Variants in SUGP1 observed in about 807,000 individuals in gnomAD.
The protein encoded by SUGP1 is SURP and G-patch domain-containing protein 1.
SUGP1 carries 34 observed loss-of-function variants against 76.5 expected under a neutral mutation model. The observed-to-expected ratio is 0.44, with a 90% CI of 0.34 to 0.59. The LOEUF (loss-of-function observed/expected upper bound fraction) is 0.59, where lower values mean the gene tolerates loss of function less well. SUGP1 is among the 20% of genes least tolerant of loss of function. SUGP1 has a pLI of 0.01. For synonymous variants in SUGP1, 326 were observed against 326.2 expected, an observed-to-expected ratio of 1.00 and a Z score of 0.01; for missense variants, 752 against 851.7, an observed-to-expected ratio of 0.88 and a Z score of 1.46.
chr19:19,318,830 G>A (rs1276623258), intron 1 of SUGP1, among the ~76,000 whole-genome samples: 1 of 152,030 alleles, frequency 6.6e-6, no homozygotes, highest in South Asian at 2.1e-4. Flanking sequence ...CTGGCTCCAA[G>A]CAACAGACAA....
chr19:19,278,696 G>A lies in SUGP1; in HGVS notation c.1629C>T (p.Ala543=), dbSNP rs2061073364. The A allele has an allele frequency of 1.9e-6, 3 of 1,612,230 alleles. No homozygotes were observed. The highest frequency in any genetic ancestry group is 2.5e-6 in the Non-Finnish European group (3 of 1,179,222). Residue 543 remains alanine (A), a synonymous_variant, in exon 11 of 14, where the codon GCC becomes GCT. Transcript: ENST00000247001. The part of the protein sequence containing the change: ...ELEKFMETFK[A]LKEGREPDYS... ...AGGGCCCCTCCTGGCTCACCTTCAG[G>A]GCCTTGAAGGTCTCCATAAACTTTT...
intron 8 of SUGP1, among the ~76,000 whole-genome samples, chr19:19,295,225 C>CAA (rs202215211): frequency 7.2e-6 from 1 of 139,104 alleles, no homozygotes; most frequent in Non-Finnish European, 1.6e-5. Flanking sequence ...GTCTCTACTA[C>CAA]AAAAAAAAAA....
intron 9 of SUGP1, among the ~76,000 whole-genome samples, 187 bp downstream of exon 9, chr19:19,279,998 G>A (rs2061085266): frequency 6.6e-6 from 1 of 152,218 alleles, no homozygotes; most frequent in Admixed American, 6.5e-5. Flanking sequence ...GCAGTGGGGG[G>A]TGGCATGCCA....
intron 2 of SUGP1, among the ~76,000 whole-genome samples, chr19:19,314,886 T>C (rs2061381035): frequency 6.6e-6 from 1 of 152,136 alleles, no homozygotes; most frequent in Admixed American, 6.6e-5. Flanking sequence ...AATACAAAAT[T>C]GGCTGGGCGT....
Position 19,306,027 on chromosome 19 carries a change from G to T in SUGP1, c.360C>A (p.Ser120Arg). ...PSAPPSTPTPSAGKRSLLISR... is the reference protein window; with the variant it reads ...PSAPPSTPTPRAGKRSLLISR... ...TGATGAGCAGGGACCTCTTCCCAGCGCTGGGGGTGGGTGTGCTGGGAGGGG... is the reference window on the plus strand; with the variant it reads ...TGATGAGCAGGGACCTCTTCCCAGCTCTGGGGGTGGGTGTGCTGGGAGGGG... The change falls in exon 4 of 14, where the codon AGC (serine) becomes AGA (arginine). Residue 120 changes from serine to arginine, a missense_variant. Ser to Arg is a moderately radical substitution (Grantham distance 110, BLOSUM62 -1). Around this residue, in one of 2 missense-constraint regions of SUGP1, gnomAD observed 620 missense variants for 617.3 expected, o/e 1.00. Transcript: ENST00000247001. 6.2e-7 allele frequency: 1 copy of T among 1,611,156 alleles called. No individual in the cohort carries two copies. Among genetic ancestry groups the T allele is most frequent in the Non-Finnish European group, 8.5e-7 (1 of 1,179,192 alleles).
At chr19:19,301,447 G>C (rs965584606) in intron 7 of SUGP1, among the ~76,000 whole-genome samples, 1 of 152,096 alleles carries the variant, frequency 6.6e-6, no homozygotes, top group Admixed American at 6.5e-5. Flanking sequence ...CACCCTCCAC[G>C]ACCTTGGCCA....
intron 8 of SUGP1, among the ~76,000 whole-genome samples, chr19:19,295,464 C>T (rs142653457): frequency 0.033 from 4,952 of 151,758 alleles, 277 homozygotes; most frequent in African/African-American, 0.11. Context: ...TTTTGCCAGG[C>T]GTGGTGGCAC....
At chr19:19,302,571 CA>C in intron 6 of SUGP1, 183 bp from the exon 7 acceptor site, 3 of 835,004 alleles carry the variant, frequency 3.6e-6, no homozygotes, top group Non-Finnish European at 5.4e-6. Flanking sequence ...CTCAAGCCCC[CA>C]CCCCCGACCC....
intron 1 of SUGP1, among the ~76,000 whole-genome samples, chr19:19,317,371 G>A (rs2061402724): frequency 6.6e-6 from 1 of 152,180 alleles, no homozygotes; most frequent in African/African-American, 2.4e-5. Context: ...GCAGGAAGAA[G>A]CCTGGTACAT....
chr19:19,319,976 T>C (rs2061428034), intron 1 of SUGP1, among the ~76,000 whole-genome samples: 1 of 152,126 alleles, frequency 6.6e-6, no homozygotes. Context: ...GATGGGTAAA[T>C]GCATTCTATT....
At position 19,286,647 on chromosome 19, in the gene SUGP1, C is replaced by A. The variant is rs2061142274; in HGVS notation, c.1244-6356G>T. 2.0e-5 allele frequency among the ~76,000 whole-genome samples: 3 copies of A among 152,144 alleles called. No homozygotes were observed. In the East Asian group the frequency reaches 5.8e-4, roughly 29 times the overall value. On this transcript the variant is annotated intron_variant, in intron 8 of 13. Transcript: ENST00000247001. ...TCTGTGGTCCCAACTGCTTGGGAGGCTGAGGCGGGGAGATCACTTGAGACC... is the reference window on the plus strand; with the variant it reads ...TCTGTGGTCCCAACTGCTTGGGAGGATGAGGCGGGGAGATCACTTGAGACC...
intron 8 of SUGP1, 34 bp from the exon 9 acceptor site, chr19:19,280,325 G>T (rs1408511283): frequency 2.5e-6 from 4 of 1,591,812 alleles, no homozygotes; most frequent in Non-Finnish European, 3.4e-6. Flanking sequence ...GTCAGAGCCT[G>T]ACAGGTGCAC....
At chr19:19,300,751 G>A (rs1406840591) in intron 7 of SUGP1, among the ~76,000 whole-genome samples, 3 of 152,120 alleles carry the variant, frequency 2.0e-5, no homozygotes, top group Non-Finnish European at 2.9e-5. Context: ...CACCCCAGGC[G>A]ACCTCAACCA....
intron 3 of SUGP1, among the ~76,000 whole-genome samples, chr19:19,307,537 C>T (rs565823377): frequency 3.9e-5 from 6 of 152,294 alleles, no homozygotes; most frequent in African/African-American, 1.4e-4. Context: ...GGTCAAACAT[C>T]TGAAACTACG....
chr19:19,312,338 A>C (rs1248665961), intron 2 of SUGP1, among the ~76,000 whole-genome samples: 5 of 152,304 alleles, frequency 3.3e-5, no homozygotes, highest in Admixed American at 3.3e-4. Context: ...TTGCTCTCTA[A>C]ATTAGAAGTC....
At chr19:19,295,367 G>A (rs1431165328) in intron 8 of SUGP1, among the ~76,000 whole-genome samples, 1 of 152,050 alleles carries the variant, frequency 6.6e-6, no homozygotes, top group African/African-American at 2.4e-5. Flanking sequence ...CACTTTGGGA[G>A]GCTAAGGCAG....
chr19:19,308,410 A>G (rs1248783224), intron 3 of SUGP1, among the ~76,000 whole-genome samples: 3 of 152,246 alleles, frequency 2.0e-5, no homozygotes, highest in African/African-American at 7.2e-5. Context: ...AGAGGTAGAG[A>G]GAGGTGTCCC....
rs1243565960 is a variant in SUGP1 at position 19,310,229 on chromosome 19, T to G, written c.207-29A>C. 3 of 1,571,052 alleles carry G rather than the reference T, an allele frequency of 1.9e-6. No homozygotes were observed. In the African/African-American group the frequency reaches 4.1e-5, roughly 21 times the overall value. On this transcript the variant is annotated intron_variant, in intron 2 of 13. Coordinates refer to ENST00000247001, the MANE Select transcript of SUGP1 (RefSeq NM_172231.4). ...GAACCAAGACAGAGGACAGAGAGGG[T>G]GAGCTGGCTAGAGATGGAGTGAGGG...
chr19:19,297,533 G>A (rs2061237446), intron 7 of SUGP1, among the ~76,000 whole-genome samples, 189 bp from the exon 8 acceptor site: 2 of 152,042 alleles, frequency 1.3e-5, no homozygotes, highest in Middle Eastern at 3.4e-3. Flanking sequence ...TGGTTCTGGT[G>A]GCCCGATGCC....
Sources: gnomAD v4.1 joint callset for allele counts (sites outside exome capture counted in the v4.1 genomes callset) on GRCh38, gnomAD v4.1.1 for gene constraint, gnomAD v4.1.1 regional missense constraint, MANE v1.5 for transcripts, NCBI Gene and HGNC (gene_info 2026-07-23, HGNC 2026-07-21) for gene names.